Variants in SH3D19 observed in about 807,000 individuals in gnomAD.
The protein encoded by SH3D19 is SH3 domain containing 19, also known as SH3 domain-containing protein 19.
SH3D19 carries 58 observed loss-of-function variants against 112.1 expected under a neutral mutation model. That is an observed-to-expected ratio of 0.52 (90% CI 0.42 to 0.64). The LOEUF (loss-of-function observed/expected upper bound fraction) is 0.64. SH3D19 is among the 30% of genes least tolerant of loss of function. The pLI is 0.00. For synonymous variants in SH3D19, 391 were observed against 448.5 expected, an observed-to-expected ratio of 0.87 and a Z score of 1.62; for missense variants, 1,090 against 1,263.4, an observed-to-expected ratio of 0.86 and a Z score of 2.08.
chr4:151,304,009 G>T (rs1728704508), intron 1 of SH3D19, among the ~76,000 whole-genome samples: 1 of 150,786 alleles, frequency 6.6e-6, no homozygotes, highest in Non-Finnish European at 1.5e-5. Flanking sequence ...AAGAGATAGG[G>T]TCCTCACTCT....
At chr4:151,252,452 ACT>A (rs1212589788) in intron 1 of SH3D19, among the ~76,000 whole-genome samples, 2 of 151,796 alleles carry the variant, frequency 1.3e-5, no homozygotes, top group Non-Finnish European at 2.9e-5. Context: ...CCAGGATACT[ACT>A]CTCAGTTCTC....
At chr4:151,290,735 C>T (rs1242788558) in intron 1 of SH3D19, among the ~76,000 whole-genome samples, 1 of 152,176 alleles carries the variant, frequency 6.6e-6, no homozygotes, top group Non-Finnish European at 1.5e-5. Flanking sequence ...CTACTACCAA[C>T]AACTATCACT....
intron 3 of SH3D19, among the ~76,000 whole-genome samples, chr4:151,182,225 G>A (rs1761075849): frequency 6.6e-6 from 1 of 152,132 alleles, no homozygotes; most frequent in South Asian, 2.1e-4. Context: ...CTGACCTCAA[G>A]TGATCCGCCC....
chr4:151,309,070 T>A (rs1301835397), intron 1 of SH3D19, among the ~76,000 whole-genome samples: 1 of 152,222 alleles, frequency 6.6e-6, no homozygotes, highest in Non-Finnish European at 1.5e-5. Context: ...GGTTTCGCCA[T>A]GTTGGCCAGG....
chr4:151,281,482 T>C (rs1375366845), intron 1 of SH3D19, among the ~76,000 whole-genome samples: 1 of 152,070 alleles, frequency 6.6e-6, no homozygotes, highest in Non-Finnish European at 1.5e-5. Context: ...TAGACAGCGA[T>C]GTGTAAGAAA....
chr4:151,227,451 T>G (rs188747509), intron 1 of SH3D19, among the ~76,000 whole-genome samples: 44 of 152,344 alleles, frequency 2.9e-4, no homozygotes, highest in African/African-American at 9.4e-4. Flanking sequence ...AAACACATAG[T>G]GTTAGCACAT....
At chr4:151,200,493 T>C (rs1325912432) in intron 2 of SH3D19, among the ~76,000 whole-genome samples, 1 of 152,220 alleles carries the variant, frequency 6.6e-6, no homozygotes, top group East Asian at 1.9e-4. Context: ...TAAATTTTAC[T>C]ACTGCTAATG....
intron 9 of SH3D19, among the ~76,000 whole-genome samples, chr4:151,152,564 G>C (rs1415702016): frequency 1.4e-5 from 2 of 143,026 alleles, no homozygotes; most frequent in Non-Finnish European, 3.0e-5. Context: ...CTGTTGCCCA[G>C]GCTGGAGTGC....
chr4:151,230,095 A>G (rs1454973264), intron 1 of SH3D19, among the ~76,000 whole-genome samples: 2 of 152,204 alleles, frequency 1.3e-5, no homozygotes, highest in East Asian at 3.8e-4. Flanking sequence ...ATTCTGTGTA[A>G]GAACTCCAGA....
intron 1 of SH3D19, among the ~76,000 whole-genome samples, chr4:151,286,934 C>T (rs1774847280): frequency 6.6e-6 from 1 of 151,024 alleles, no homozygotes; most frequent in South Asian, 2.1e-4. Flanking sequence ...GAGCCGAGAT[C>T]GCGCCACTGC....
chr4:151,242,606 A>G (rs1453479915), intron 1 of SH3D19, among the ~76,000 whole-genome samples: 1 of 152,228 alleles, frequency 6.6e-6, no homozygotes, highest in Non-Finnish European at 1.5e-5. Context: ...CATTTTTATT[A>G]ATAAGTAGGA....
At chr4:151,291,107 T>G (rs1012193454) in intron 1 of SH3D19, 5 of 1,594,352 alleles carry the variant, frequency 3.1e-6, no homozygotes, top group Middle Eastern at 1.7e-4. Flanking sequence ...TACCTTTCAT[T>G]TCTTCCTTAG....
intron 1 of SH3D19, among the ~76,000 whole-genome samples, chr4:151,299,674 A>G (rs1342432001): frequency 1.3e-5 from 2 of 152,056 alleles, no homozygotes; most frequent in African/African-American, 4.8e-5. Flanking sequence ...TATGAGTTCA[A>G]TGAAGTTATT....
chr4:151,153,374 G>T (rs1490403801), intron 9 of SH3D19, among the ~76,000 whole-genome samples: 1 of 151,900 alleles, frequency 6.6e-6, no homozygotes, highest in African/African-American at 2.4e-5. Flanking sequence ...AGCCTCCCAA[G>T]TAGCTAGGAT....
intron 12 of SH3D19, among the ~76,000 whole-genome samples, chr4:151,143,012 C>T (rs1753275589): frequency 1.3e-5 from 2 of 152,120 alleles, no homozygotes; most frequent in South Asian, 2.1e-4. Context: ...CCCATGCAGG[C>T]AGATGGCTTA....
intron 3 of SH3D19, among the ~76,000 whole-genome samples, chr4:151,181,293 C>A (rs905844745): frequency 1.3e-5 from 2 of 152,050 alleles, no homozygotes; most frequent in African/African-American, 4.8e-5. Flanking sequence ...CTGCTTCTCT[C>A]TGAACAAGGA....
Position 151,284,632 on chromosome 4 carries a change from C to A in SH3D19, c.112+40609G>T, listed in dbSNP as rs1026023072. On this transcript the variant is annotated intron_variant, in intron 1 of 19. Transcript: ENST00000604030. ...GCATTTTCCAGTTTATCTTGGAAAA[C>A]GTTTTCCTGTTGTTTTGTTTACTTT... Among the ~76,000 whole-genome samples the A allele has an allele frequency of 3.9e-5, 6 of 152,122 alleles. No individual in the cohort carries two copies. In the East Asian group the frequency reaches 1.2e-3, roughly 29 times the overall value.
intron 1 of SH3D19, among the ~76,000 whole-genome samples, chr4:151,280,540 C>T (rs2150007254): frequency 6.6e-6 from 1 of 152,290 alleles, no homozygotes; most frequent in South Asian, 2.1e-4. Context: ...TGTTTTAAGC[C>T]ACTAAGCTTT....
Position 151,135,067 on chromosome 4 carries a change from A to C in SH3D19, c.2486+7T>G. On this transcript the variant is annotated splice_region_variant and intron_variant, in intron 15 of 19. Transcript: ENST00000604030. ...ATTTTGTGTAAAAGAACACAAATAA[A>C]ACTTACTTAACACAATGAGATGAAA... is the stretch of plus-strand genomic sequence containing the variant. The C allele has an allele frequency of 1.3e-6, 2 of 1,591,524 alleles. No homozygotes were observed. The highest frequency in any genetic ancestry group is 1.1e-5 in the South Asian group (1 of 88,556).
Sources: allele counts gnomAD v4.1 joint callset (sites outside exome capture counted in the v4.1 genomes callset), GRCh38; gene constraint gnomAD v4.1.1; transcripts MANE v1.5; gene names NCBI Gene and HGNC (gene_info 2026-07-23, HGNC 2026-07-21).